The following MYL5 variants were observed in gnomAD, a reference collection of about 807,000 sequenced individuals.
MYL5 encodes myosin regulatory light chain 5.
In MYL5, 28 loss-of-function variants were observed where a neutral mutation model predicts 20.8. That is an observed-to-expected ratio of 1.35 (90% CI 1.00 to 1.84). MYL5 has a LOEUF of 1.84. MYL5 is among the 40% of genes most tolerant of loss of function. The pLI, the probability that MYL5 is intolerant of heterozygous loss-of-function variation, is 0.00. For missense variants in MYL5, 274 were observed against 227.3 expected (o/e 1.21, Z -1.32); for synonymous variants, 118 against 87.4 (o/e 1.35, Z -1.95).
chr4:680,664 C>G (rs1739379332), intron 5 of MYL5, 77 bp downstream of exon 7: 2 of 1,457,550 alleles, frequency 1.4e-6, no homozygotes, highest in South Asian at 2.3e-5. Flanking sequence ...AAGGGACAGT[C>G]AGCCACCAGA....
chr4:678,342 C>T, intron 1 of MYL5: 1 of 1,416,330 alleles, frequency 7.1e-7, no homozygotes, highest in South Asian at 1.5e-5. Flanking sequence ...ACCCAGAGTC[C>T]ACTTGCCCCT....
upstream of MYL5, chr4:675,546 C>T (rs1738773021): frequency 6.6e-6 from 1 of 152,452 alleles, no homozygotes; most frequent in African/African-American, 2.4e-5. Context: ...CCTAAGTCGC[C>T]TCTGCCCCCT....
At chr4:680,711 G>A in intron 5 of MYL5, 124 bp downstream of exon 7, 1 of 1,014,744 alleles carries the variant, frequency 9.9e-7, no homozygotes, top group Non-Finnish European at 1.5e-6. Context: ...CCAGCTTCAG[G>A]GCCATGAGGA....
upstream of MYL5, chr4:676,379 C>T (rs1330186663): frequency 1.3e-5 from 2 of 152,344 alleles, no homozygotes; most frequent in African/African-American, 4.8e-5. Flanking sequence ...GCAGAGAAAA[C>T]ATGCGGGCAA....
chr4:677,394 C>T (rs1235048321), upstream of MYL5, among the ~76,000 whole-genome samples: 1 of 152,216 alleles, frequency 6.6e-6, no homozygotes, highest in Non-Finnish European at 1.5e-5. Flanking sequence ...TAGAGTCCCC[C>T]TCCCAGCCCA....
At chr4:676,175 C>G (rs1462317383), upstream of MYL5, 1 of 152,266 alleles carries the variant, frequency 6.6e-6, no homozygotes, top group African/African-American at 2.4e-5. Context: ...TGGCCCTCGG[C>G]AAGCCCCCGC....
At chr4:678,232 T>C in intron 1 of MYL5, 1 of 1,489,430 alleles carries the variant, frequency 6.7e-7, no homozygotes, top group Non-Finnish European at 9.0e-7. Context: ...TGTGCTGTGT[T>C]GTGGGAAGTA....
exon 6 of MYL5, chr4:681,101 T>G: frequency 6.2e-7 from 1 of 1,604,024 alleles, no homozygotes; most frequent in South Asian, 1.1e-5. Flanking sequence ...GCATCAAGCG[T>G]CTGCTGATGT....
upstream of MYL5, chr4:677,061 T>C (rs1738913713): frequency 2.9e-6 from 1 of 346,514 alleles, no homozygotes; most frequent in Non-Finnish European, 4.1e-6. Context: ...TCCCACCTGC[T>C]GTTGTGGCTG....
upstream of MYL5, chr4:675,649 G>A (rs1738780049): frequency 6.6e-6 from 1 of 152,632 alleles, no homozygotes; most frequent in Admixed American, 6.5e-5. Context: ...GGTATACCAA[G>A]GCCAGTCCTA....
Position 678,213 on chromosome 4 carries a change from G to A in MYL5, c.3+184G>A, listed in dbSNP as rs1051665799. ...GTATGTGCGTGTGTGTGACCTTGCG[G>A]GTGTGGGCTGTGCTGTGTTGTGGGA... On this transcript the variant is annotated intron_variant, in intron 1 of 6. Transcript: ENST00000400159. 15 of 1,506,342 alleles carry A rather than the reference G, an allele frequency of 1.0e-5. No homozygotes were observed. The Admixed American group carries it at 2.0e-4, about 20-fold the overall frequency. The allele number at this position is 1,506,342 out of a possible 1,614,324, so 93.3% of individuals were successfully genotyped here. A position where few individuals can be genotyped will look rare whatever the true frequency, so the allele number is the denominator to read the frequency against.
intron 5 of MYL5, 107 bp downstream of exon 7, chr4:680,694 C>T: frequency 8.6e-7 from 1 of 1,163,234 alleles, no homozygotes; most frequent in Non-Finnish European, 1.2e-6. Context: ...CACCTCCCCA[C>T]CTCTGACCAG....
chr4:677,650 C>T (rs1053459041), upstream of MYL5, among the ~76,000 whole-genome samples: 13 of 152,186 alleles, frequency 8.5e-5, no homozygotes, highest in Admixed American at 2.6e-4. Flanking sequence ...AAAAAGTGCC[C>T]CTTCCTCTGG....
At chr4:681,274 G>T in intron 6 of MYL5, 134 bp downstream of exon 8, 1 of 1,066,698 alleles carries the variant, frequency 9.4e-7, no homozygotes, top group Non-Finnish European at 1.3e-6. Flanking sequence ...CCCCCGGGGG[G>T]CTCCCGAAGT....
chr4:678,264 G>C (rs1739057231), intron 1 of MYL5: 2 of 1,466,884 alleles, frequency 1.4e-6, no homozygotes, highest in East Asian at 5.0e-5. Context: ...TTGCTCTCCT[G>C]GTGAGAGTCC....
chr4:674,674 G>A, upstream of MYL5: 1 of 243,720 alleles, frequency 4.1e-6, no homozygotes. Flanking sequence ...CGGAGCGTCG[G>A]AGGCCTGAGG....
chr4:680,744 G>A, intron 5 of MYL5, 157 bp downstream of exon 7: 1 of 771,414 alleles, frequency 1.3e-6, no homozygotes, highest in Middle Eastern at 2.7e-4. Context: ...TCCCAGCTGA[G>A]TGGGAGGCCA....
chr4:679,923 A>G (rs527604543), exon 4 of MYL5: 1 of 1,613,644 alleles, frequency 6.2e-7, no homozygotes, highest in East Asian at 2.2e-5. Context: ...GGCAAGACCA[A>G]CGTCAAGGAC....
At chr4:679,814 C>CCCTTCCCAT in intron 3 of MYL5, 100 bp from the exon 6 acceptor site, 2 of 967,770 alleles carry the variant, frequency 2.1e-6, no homozygotes, top group Non-Finnish European at 3.2e-6. Context: ...TCCCTCCCCA[C>CCCTTCCCAT]CCTTCCCATC....
Sources: gnomAD v4.1 joint callset for allele counts (sites outside exome capture counted in the v4.1 genomes callset) on GRCh38, gnomAD v4.1.1 for gene constraint, MANE v1.5 for transcripts, NCBI Gene and HGNC (gene_info 2026-07-23, HGNC 2026-07-21) for gene names.